Variants in ESRRG observed in about 807,000 individuals in gnomAD.
The protein encoded by ESRRG is estrogen related receptor gamma.
ESRRG carries 13 observed loss-of-function variants against 44.0 expected under a neutral mutation model. The observed-to-expected ratio is 0.30, with a 90% CI of 0.19 to 0.47. The LOEUF (loss-of-function observed/expected upper bound fraction) is 0.47, where lower values mean the gene tolerates loss of function less well. ESRRG is among the 20% of genes least tolerant of loss of function. The pLI is 1.00. For missense variants in ESRRG, 395 were observed against 580.6 expected (o/e 0.68, Z 3.29); for synonymous variants, 215 against 214.6 (o/e 1.00, Z -0.02).
intron 5 of ESRRG, among the ~76,000 whole-genome samples, chr1:216,531,427 C>T (rs1029835395): frequency 1.3e-5 from 2 of 152,050 alleles, no homozygotes; most frequent in Non-Finnish European, 2.9e-5. Flanking sequence ...AGAGCTAAGT[C>T]ATTATGGCTT....
intron 2 of ESRRG, among the ~76,000 whole-genome samples, chr1:216,822,572 A>C (rs979765673): frequency 6.6e-6 from 1 of 151,074 alleles, no homozygotes; most frequent in African/African-American, 2.5e-5. Context: ...CCATTGGCAC[A>C]CACCTGTTGT....
chr1:216,892,768 T>C lies in ESRRG; in HGVS notation c.-14+46814A>G, dbSNP rs1413667949. 2.0e-5 allele frequency among the ~76,000 whole-genome samples: 3 copies of C among 152,262 alleles called. No individual in the cohort carries two copies. In the East Asian group the frequency reaches 5.8e-4, roughly 30 times the overall value. On this transcript the variant is annotated intron_variant, in intron 2 of 7. Coordinates refer to the ESRRG transcript ENST00000359162. The stretch of plus-strand genomic sequence containing the variant: ...CACATACTTTAACAGCACTCAGCTA[T>C]TACAGCAATTACAGCTAGCACATCT...
intron 2 of ESRRG, among the ~76,000 whole-genome samples, chr1:216,892,422 C>A (rs1279745251): frequency 6.6e-6 from 1 of 152,100 alleles, no homozygotes; most frequent in Non-Finnish European, 1.5e-5. Context: ...TCTGAAGGTT[C>A]CCTACAGCGT....
intron 1 of ESRRG, among the ~76,000 whole-genome samples, chr1:216,961,194 G>C (rs6604650): frequency 0.047 from 7,190 of 152,210 alleles, 528 homozygotes; most frequent in African/African-American, 0.16. Context: ...TGTAAATTGT[G>C]CTGAGATAAC....
intron 2 of ESRRG, among the ~76,000 whole-genome samples, chr1:216,887,284 A>G (rs543110223): frequency 6.6e-6 from 1 of 152,254 alleles, no homozygotes; most frequent in African/African-American, 2.4e-5. Context: ...CAGTTAAGTA[A>G]ACTTTCCTGG....
chr1:216,588,246 T>A (rs1053387739), intron 3 of ESRRG, among the ~76,000 whole-genome samples: 2 of 152,212 alleles, frequency 1.3e-5, no homozygotes, highest in Non-Finnish European at 2.9e-5. Flanking sequence ...TTGGTACTAT[T>A]TGAGTTTAGC....
chr1:216,832,848 T>A (rs2095507528), intron 2 of ESRRG, among the ~76,000 whole-genome samples: 1 of 152,012 alleles, frequency 6.6e-6, no homozygotes. Flanking sequence ...TAGTGATGTG[T>A]GCCTGTAATC....
intron 1 of ESRRG, among the ~76,000 whole-genome samples, chr1:216,990,382 C>A (rs1486669670): frequency 6.6e-6 from 1 of 152,102 alleles, no homozygotes; most frequent in African/African-American, 2.4e-5. Context: ...ATGCAAACAA[C>A]GTTTTAGCCT....
intron 3 of ESRRG, among the ~76,000 whole-genome samples, chr1:216,635,622 C>A (rs114268600): frequency 0.014 from 2,101 of 152,208 alleles, 50 homozygotes; most frequent in East Asian, 0.061. Context: ...TGGTCCATGA[C>A]AGACTTTCTT....
intron 2 of ESRRG, among the ~76,000 whole-genome samples, chr1:216,780,553 T>C (rs1005434402): frequency 2.0e-5 from 3 of 152,004 alleles, no homozygotes; most frequent in Non-Finnish European, 4.4e-5. Context: ...GTCACAGAAA[T>C]TCTGTGGCTC....
chr1:216,977,995 A>G (rs2073274079), intron 1 of ESRRG, among the ~76,000 whole-genome samples: 1 of 152,096 alleles, frequency 6.6e-6, no homozygotes, highest in Admixed American at 6.6e-5. Context: ...CTTGTCAGAT[A>G]CTGGAACCAT....
chr1:216,984,118 T>C (rs1374686316), intron 1 of ESRRG, among the ~76,000 whole-genome samples: 3 of 152,124 alleles, frequency 2.0e-5, no homozygotes, highest in East Asian at 1.9e-4. Context: ...GAACTTCCCA[T>C]GTGTAGAATT....
At chr1:216,850,129 A>G (rs2095818915) in intron 2 of ESRRG, among the ~76,000 whole-genome samples, 1 of 152,154 alleles carries the variant, frequency 6.6e-6, no homozygotes, top group Admixed American at 6.5e-5. Flanking sequence ...GACTTCAAAT[A>G]GAAATATATA....
chr1:216,971,641 C>T (rs1190543243), intron 1 of ESRRG, among the ~76,000 whole-genome samples: 5 of 151,982 alleles, frequency 3.3e-5, no homozygotes, highest in East Asian at 1.9e-4. Context: ...TAAGTAAAAC[C>T]GAAATTTGCA....
At chr1:216,826,621 A>C (rs1472138505) in intron 2 of ESRRG, among the ~76,000 whole-genome samples, 1 of 152,306 alleles carries the variant, frequency 6.6e-6, no homozygotes, top group South Asian at 2.1e-4. Flanking sequence ...TATACTAATA[A>C]GCCTTGGAGG....
intron 2 of ESRRG, among the ~76,000 whole-genome samples, chr1:216,843,689 G>A (rs904117258): frequency 6.6e-6 from 1 of 152,114 alleles, no homozygotes; most frequent in African/African-American, 2.4e-5. Context: ...AATTTCTTAA[G>A]TGCATTTAAA....
At chr1:216,547,097 G>T (rs963834637) in intron 5 of ESRRG, among the ~76,000 whole-genome samples, 14 of 151,980 alleles carry the variant, frequency 9.2e-5, no homozygotes, top group African/African-American at 3.4e-4. Context: ...CAGGCAAGTT[G>T]TTTGACTTCG....
intron 2 of ESRRG, among the ~76,000 whole-genome samples, chr1:216,812,167 C>T (rs1215231736): frequency 6.6e-6 from 1 of 152,250 alleles, no homozygotes; most frequent in East Asian, 1.9e-4. Flanking sequence ...CCAAAAGAAA[C>T]AATTACGTTA....
intron 2 of ESRRG, among the ~76,000 whole-genome samples, chr1:216,887,718 T>C (rs2043670): frequency 0.65 from 99,156 of 151,998 alleles, 32,555 homozygotes; most frequent in Middle Eastern, 0.72. Context: ...GCTTGTTTTC[T>C]CTCTCTGAAA....
Sources: allele counts gnomAD v4.1 joint callset (sites outside exome capture counted in the v4.1 genomes callset), GRCh38; gene constraint gnomAD v4.1.1; transcripts MANE v1.5; gene names NCBI Gene and HGNC (gene_info 2026-07-23, HGNC 2026-07-21).